The following ST3GAL3 variants were observed in gnomAD, a reference collection of about 807,000 sequenced individuals.
ST3GAL3 encodes the protein ST3 beta-galactoside alpha-2,3-sialyltransferase 3, also known as CMP-N-acetylneuraminate-beta-1,4-galactoside alpha-2,3-sialyltransferase.
Under a neutral mutation model 50.1 loss-of-function variants are expected in ST3GAL3, and 21 were observed. The observed-to-expected ratio is 0.42, with a 90% CI of 0.30 to 0.60. The LOEUF is 0.60. Ranked by LOEUF, ST3GAL3 falls within the 20% of genes least tolerant of loss-of-function variation. The pLI, the probability that ST3GAL3 is intolerant of heterozygous loss-of-function variation, is 0.19. For missense variants in ST3GAL3, 353 were observed against 489.4 expected (o/e 0.72, Z 2.63); for synonymous variants, 183 against 190.0 (o/e 0.96, Z 0.30).
chr1:43,810,922 T>G (rs1393765699), intron 3 of ST3GAL3, among the ~76,000 whole-genome samples: 2 of 138,104 alleles, frequency 1.4e-5, no homozygotes, highest in African/African-American at 7.1e-5. Flanking sequence ...CGGTCACCCC[T>G]GAGACCCTCT....
rs763650625 is a variant in ST3GAL3 at position 43,855,105 on chromosome 1, C to T, written c.302+16794C>T. Among the ~76,000 whole-genome samples the T allele has an allele frequency of 8.5e-5, 13 of 152,210 alleles. No homozygotes were observed. The South Asian group carries it at 2.1e-3, about 24-fold the overall frequency. On this transcript the variant is annotated intron_variant, in intron 5 of 11. Transcript: ENST00000347631. ...TTTTCTAGGTGGTATAGCTTCAGCACTGCATAAGTTACATAAAACCTCTCC... is the reference window on the plus strand; with the variant it reads ...TTTTCTAGGTGGTATAGCTTCAGCATTGCATAAGTTACATAAAACCTCTCC...
chr1:43,906,718 C>T (rs537319994), intron 9 of ST3GAL3, among the ~76,000 whole-genome samples: 1 of 152,234 alleles, frequency 6.6e-6, no homozygotes, highest in Admixed American at 6.5e-5. Context: ...TTTTGTTCTC[C>T]TCTTCCTTCT....
intron 1 of ST3GAL3, among the ~76,000 whole-genome samples, chr1:43,734,481 T>A (rs540089711): frequency 6.6e-6 from 1 of 151,882 alleles, no homozygotes; most frequent in South Asian, 2.1e-4. Context: ...ACTTTTTAAT[T>A]TTTCTTTTTG....
At chr1:43,910,872 G>A (rs2080692465) in intron 9 of ST3GAL3, among the ~76,000 whole-genome samples, 1 of 152,212 alleles carries the variant, frequency 6.6e-6, no homozygotes, top group African/African-American at 2.4e-5. Context: ...TCCTCCTCTG[G>A]CCACAACCTT....
rs2068299197 is a variant in ST3GAL3, at chr1:43,856,041, G to T, written c.302+17730G>T. On this transcript the variant is annotated intron_variant, in intron 5 of 11. Coordinates refer to ENST00000347631, the MANE Select transcript of ST3GAL3 (RefSeq NM_006279.5). ...GTGTACACCCAGGTTTACAACTGCG[G>T]TCATCTGAAATACTGTGACAGACAT... Among the ~76,000 whole-genome samples, 2 of 152,180 alleles carry T rather than the reference G, an allele frequency of 1.3e-5. 1 individual carries two copies. The highest frequency in any genetic ancestry group is 4.1e-4 in the South Asian group (2 of 4,830).
chr1:43,813,622 T>G (rs1244276766), intron 3 of ST3GAL3, among the ~76,000 whole-genome samples: 3 of 152,180 alleles, frequency 2.0e-5, no homozygotes, highest in Non-Finnish European at 4.4e-5. Flanking sequence ...CTCAGATGAT[T>G]TTGAAAGCAA....
At chr1:43,771,729 G>C (rs1372187442) in intron 2 of ST3GAL3, among the ~76,000 whole-genome samples, 1 of 98,174 alleles carries the variant, frequency 1.0e-5, no homozygotes, top group Non-Finnish European at 2.0e-5. Context: ...TTTTAATAAA[G>C]TTGTGTGTGT....
intron 9 of ST3GAL3, chr1:43,919,387 T>G (rs879918929): frequency 6.6e-6 from 1 of 152,324 alleles, no homozygotes; most frequent in Non-Finnish European, 1.5e-5. Flanking sequence ...CTGATTCTTT[T>G]AGGTTTTCTA....
intron 3 of ST3GAL3, among the ~76,000 whole-genome samples, chr1:43,813,175 G>A (rs982633345): frequency 6.6e-6 from 1 of 152,258 alleles, no homozygotes; most frequent in South Asian, 2.1e-4. Flanking sequence ...GAAGGAATCC[G>A]CCTAAGTATG....
intron 5 of ST3GAL3, among the ~76,000 whole-genome samples, chr1:43,868,384 T>G (rs563366538): frequency 6.6e-6 from 1 of 152,334 alleles, no homozygotes; most frequent in South Asian, 2.1e-4. Context: ...TGGCCTCTGT[T>G]TCTTTGACCT....
intron 2 of ST3GAL3, chr1:43,738,302 A>G (rs1487597518): frequency 6.6e-6 from 1 of 152,160 alleles, no homozygotes; most frequent in Non-Finnish European, 1.5e-5. Flanking sequence ...TGTCCTTTCC[A>G]TTAATTGTTA....
chr1:43,792,353 A>AGT lies in ST3GAL3; in HGVS notation c.166+206_166+207dup, dbSNP rs34077566. Reference sequence around the variant, plus strand: ...AGAGAACTTTTCCAGTTACTTTAAAAGTGCACAGAGGAGTTACAGTAGATG... The same window carrying AGT: ...AGAGAACTTTTCCAGTTACTTTAAAAGTGTGCACAGAGGAGTTACAGTAGATG... On this transcript the variant is annotated intron_variant, in intron 3 of 11. Transcript: ENST00000347631. Among the ~76,000 whole-genome samples the AGT allele has an allele frequency of 0.37, 56,216 of 151,892 alleles. 11,059 individuals are homozygous for AGT. Among genetic ancestry groups the AGT allele is most frequent in the East Asian group, 0.59 (3,048 of 5,146 alleles).
At chr1:43,844,825 TA>T (rs372453242) in intron 5 of ST3GAL3, among the ~76,000 whole-genome samples, 10,362 of 130,042 alleles carry the variant, frequency 0.08, 352 homozygotes, top group East Asian at 0.15. Context: ...AGACTCCGTC[TA>T]AAAAAAAAAA....
At chr1:43,834,729 C>T (rs919956749) in intron 4 of ST3GAL3, among the ~76,000 whole-genome samples, 2 of 152,170 alleles carry the variant, frequency 1.3e-5, no homozygotes, top group African/African-American at 4.8e-5. Flanking sequence ...CCGAGCCAGG[C>T]GCTTATGGCA....
At chr1:43,802,963 C>T (rs949673630) in intron 3 of ST3GAL3, among the ~76,000 whole-genome samples, 5 of 152,086 alleles carry the variant, frequency 3.3e-5, no homozygotes, top group African/African-American at 1.2e-4. Context: ...GACAGAGTCT[C>T]ACTCTGTCGC....
intron 3 of ST3GAL3, among the ~76,000 whole-genome samples, chr1:43,808,972 A>G: frequency 6.6e-6 from 1 of 152,226 alleles, no homozygotes; most frequent in East Asian, 1.9e-4. Context: ...TTAGCCTTAG[A>G]CTAGCCTTTA....
At position 43,828,956 on chromosome 1, in the gene ST3GAL3, A is replaced by G. The variant is rs72886890; in HGVS notation, c.210-9263A>G. ...GAAAACTTATGTCTACACAAAAACCATACATGAATATTTATAGCAGCTTTA... is the reference window on the plus strand; with the variant it reads ...GAAAACTTATGTCTACACAAAAACCGTACATGAATATTTATAGCAGCTTTA... On this transcript the variant is annotated intron_variant, in intron 4 of 11. Coordinates refer to ENST00000347631, the MANE Select transcript of ST3GAL3 (RefSeq NM_006279.5). Among the ~76,000 whole-genome samples, 788 of 152,322 alleles carry G rather than the reference A, an allele frequency of 5.2e-3. 4 individuals are homozygous for G. Among genetic ancestry groups the G allele is most frequent in the African/African-American group, 0.018 (759 of 41,570 alleles).
At chr1:43,758,171 CCCA>C (rs2154117907) in intron 2 of ST3GAL3, among the ~76,000 whole-genome samples, 1 of 137,406 alleles carries the variant, frequency 7.3e-6, no homozygotes, top group South Asian at 2.5e-4. Flanking sequence ...CACCCCCCCC[CCCA>C]AAAAAAAGGC....
At chr1:43,720,179 A>G (rs966225450) in intron 1 of ST3GAL3, among the ~76,000 whole-genome samples, 4 of 152,122 alleles carry the variant, frequency 2.6e-5, no homozygotes, top group African/African-American at 9.7e-5. Context: ...CACTGAGCCA[A>G]GGTCATGACA....
Sources: allele counts gnomAD v4.1 joint callset (sites outside exome capture counted in the v4.1 genomes callset), GRCh38; gene constraint gnomAD v4.1.1; transcripts MANE v1.5; gene names NCBI Gene and HGNC (gene_info 2026-07-23, HGNC 2026-07-21).